FRAS1: variants seen among roughly 807,000 people sequenced by gnomAD.
The protein encoded by FRAS1 is extracellular matrix organizing protein FRAS1.
In FRAS1, 290 loss-of-function variants were observed where a neutral mutation model predicts 435.2. The ratio of observed to expected loss-of-function variants is 0.67; its 90% CI spans 0.61 to 0.73. FRAS1 has a LOEUF of 0.73. Among genes scored for constraint, FRAS1 ranks in the 30% least tolerant of loss-of-function variants. The pLI, the probability that FRAS1 is intolerant of heterozygous loss-of-function variation, is 0.00. For synonymous variants in FRAS1, 1,800 were observed against 1,851.0 expected (o/e 0.97, Z 0.71); for missense variants, 4,860 against 5,001.5 (o/e 0.97, Z 0.85).
Position 78,539,459 on chromosome 4 carries a change from A to C in FRAS1, c.11445+19A>C. 6.3e-7 allele frequency: 1 copy of C among 1,583,802 alleles called. No individual in the cohort carries two copies. The highest frequency in any genetic ancestry group is 8.6e-7 in the Non-Finnish European group (1 of 1,168,386). ...CTATAAGGTGAGTTTGGTGAGAAGA[A>C]CAGAAGCTTAAGACCAAGTCTACTT... On this transcript the variant is annotated intron_variant, in intron 73 of 73. Coordinates refer to ENST00000512123, the MANE Select transcript of FRAS1 (RefSeq NM_025074.7).
At chr4:78,142,943 C>T (rs1488134739) in intron 2 of FRAS1, among the ~76,000 whole-genome samples, 1 of 151,542 alleles carries the variant, frequency 6.6e-6, no homozygotes, top group South Asian at 2.1e-4. Context: ...CAAAATAAGA[C>T]AAGAAGGAGA....
chr4:78,412,731 T>C (rs1188145708), intron 31 of FRAS1, among the ~76,000 whole-genome samples: 1 of 152,210 alleles, frequency 6.6e-6, no homozygotes, highest in East Asian at 1.9e-4. Flanking sequence ...GATTTTTTAT[T>C]GCTTATTTAT....
intron 38 of FRAS1, 51 bp from the exon 39 acceptor site, chr4:78,438,519 T>C: frequency 6.2e-7 from 1 of 1,603,246 alleles, no homozygotes; most frequent in African/African-American, 1.3e-5. Context: ...ACTGGAAGTG[T>C]TTATTCCTGC....
intron 73 of FRAS1, among the ~76,000 whole-genome samples, chr4:78,540,152 G>A (rs1722003653): frequency 6.6e-6 from 1 of 152,102 alleles, no homozygotes; most frequent in Non-Finnish European, 1.5e-5. Context: ...TAGTAAATTG[G>A]CATAACACAT....
In FRAS1 at chr4:78,181,568, C is replaced by T. The variant is rs533377819; in HGVS notation, c.109-55942C>T. The T allele has an allele frequency of 3.1e-6, 5 of 1,611,424 alleles. No individual in the cohort carries two copies. The African/African-American group carries it at 5.3e-5, about 17-fold the overall frequency. On this transcript the variant is annotated intron_variant, in intron 2 of 73. Transcript: ENST00000512123. Reference sequence around the variant, plus strand: ...AAGACCACCACGACCTCGAATAGGTCGGTCAATAATCGGTCTATCAACTGA... The same window carrying T: ...AAGACCACCACGACCTCGAATAGGTTGGTCAATAATCGGTCTATCAACTGA...
chr4:78,308,164 A>G lies in FRAS1; in HGVS notation c.1633A>G (p.Ser545Gly), dbSNP rs773332150. 116 of 1,613,820 alleles carry G rather than the reference A, an allele frequency of 7.2e-5. No individual in the cohort carries two copies. The highest frequency in any genetic ancestry group is 9.6e-5 in the Non-Finnish European group (113 of 1,179,880). Residue 545 changes from serine to glycine, a missense_variant, in exon 15 of 74, where the codon AGC becomes GGC. By Grantham distance (56) the Ser-to-Gly change is moderately conservative. Coordinates refer to ENST00000512123, the MANE Select transcript of FRAS1 (RefSeq NM_025074.7). ...CGTGCTGAGAGATGGCGGCTGTGAG[A>G]GCAGCTGTGGAAAAGGCTTCTACAA... ...LHVLRDGGCE[S>G]SCGKGFYNRQ... is the part of the protein sequence containing the mutation.
intron 6 of FRAS1, among the ~76,000 whole-genome samples, chr4:78,258,241 T>G (rs2110141237): frequency 6.6e-6 from 1 of 151,440 alleles, no homozygotes; most frequent in South Asian, 2.1e-4. Flanking sequence ...CTTGGGAGGC[T>G]GAGGTGGGAG....
Position 78,115,783 on chromosome 4 carries a change from C to G in FRAS1, c.108+49767C>G, listed in dbSNP as rs1045258910. On this transcript the variant is annotated intron_variant, in intron 2 of 73. Coordinates refer to ENST00000512123, the MANE Select transcript of FRAS1 (RefSeq NM_025074.7). ...TGTTGATCTTTTCAAAAAATCAGCT[C>G]CTGGATTCATTGATTTTTTGAAGTT... is the stretch of plus-strand genomic sequence containing the variant. Among the ~76,000 whole-genome samples, 60 of 152,108 alleles carry G rather than the reference C, an allele frequency of 3.9e-4. 2 individuals are homozygous for G. Among genetic ancestry groups the G allele is most frequent in the African/African-American group, 1.4e-3 (58 of 41,524 alleles).
chr4:78,414,866 A>C (rs1733486496), intron 32 of FRAS1, among the ~76,000 whole-genome samples: 1 of 152,228 alleles, frequency 6.6e-6, no homozygotes. Context: ...AAGCAAATAA[A>C]TAAGCAGGGA....
At chr4:78,316,231 C>T (rs1034933851) in intron 16 of FRAS1, among the ~76,000 whole-genome samples, 1 of 152,210 alleles carries the variant, frequency 6.6e-6, no homozygotes, top group Non-Finnish European at 1.5e-5. Flanking sequence ...GCAGCCTAAA[C>T]TATGAAACAT....
At chr4:78,337,476 A>C (rs1057356948) in intron 19 of FRAS1, among the ~76,000 whole-genome samples, 198 bp from the exon 20 acceptor site, 1 of 152,172 alleles carries the variant, frequency 6.6e-6, no homozygotes, top group Non-Finnish European at 1.5e-5. Flanking sequence ...TATTGTGTTC[A>C]TGGACAGTAC....
At chr4:78,341,566 T>C (rs1324999879) in intron 20 of FRAS1, among the ~76,000 whole-genome samples, 2 of 152,174 alleles carry the variant, frequency 1.3e-5, no homozygotes, top group African/African-American at 4.8e-5. Context: ...TTAGGTTGGC[T>C]CATCTCAGAT....
At chr4:78,161,120 C>T (rs1721116978) in intron 2 of FRAS1, among the ~76,000 whole-genome samples, 1 of 150,790 alleles carries the variant, frequency 6.6e-6, no homozygotes, top group Admixed American at 6.6e-5. Context: ...GCCTGGGAGA[C>T]AGAGTGAGAC....
intron 14 of FRAS1, 54 bp downstream of exon 14, chr4:78,286,593 C>G: frequency 6.3e-7 from 1 of 1,579,948 alleles, no homozygotes; most frequent in South Asian, 1.1e-5. Flanking sequence ...CTCCCCAACC[C>G]TGACCCCACC....
At chr4:78,103,148 T>C (rs1394834757) in intron 2 of FRAS1, among the ~76,000 whole-genome samples, 1 of 152,208 alleles carries the variant, frequency 6.6e-6, no homozygotes, top group East Asian at 1.9e-4. Flanking sequence ...CTCAACACCA[T>C]GAAAGGACTG....
intron 72 of FRAS1, 24 bp downstream of exon 72, chr4:78,537,224 T>C (rs1004601515): frequency 4.3e-5 from 69 of 1,604,148 alleles, no homozygotes; most frequent in Middle Eastern, 3.3e-4. Flanking sequence ...TCACTATTAG[T>C]GTTAAAGAGC....
At chr4:78,362,047 T>G (rs905681339) in intron 20 of FRAS1, among the ~76,000 whole-genome samples, 2 of 152,172 alleles carry the variant, frequency 1.3e-5, no homozygotes, top group Non-Finnish European at 2.9e-5. Context: ...GAATGACTAT[T>G]ATGTGAGTGA....
At chr4:78,113,319 T>G (rs941597631) in intron 2 of FRAS1, among the ~76,000 whole-genome samples, 2 of 152,220 alleles carry the variant, frequency 1.3e-5, no homozygotes, top group African/African-American at 4.8e-5. Context: ...GCAGCATGAT[T>G]TATAATCCTT....
At chr4:78,415,078 G>A (rs112204637) in intron 32 of FRAS1, among the ~76,000 whole-genome samples, 25 of 152,258 alleles carry the variant, frequency 1.6e-4, no homozygotes, top group African/African-American at 6.0e-4. Flanking sequence ...AACACAGATT[G>A]CGCTCACCCA....
Sources: allele counts gnomAD v4.1 joint callset (sites outside exome capture counted in the v4.1 genomes callset), GRCh38; gene constraint gnomAD v4.1.1; transcripts MANE v1.5; gene names NCBI Gene and HGNC (gene_info 2026-07-23, HGNC 2026-07-21).